Variants in RFESD observed in about 807,000 individuals in gnomAD.
The protein encoded by RFESD is Rieske Fe-S domain containing, also known as Rieske domain-containing protein.
In RFESD, 16 loss-of-function variants were observed where a neutral mutation model predicts 24.4. The observed-to-expected ratio is 0.66, with a 90% CI of 0.44 to 1.00. The LOEUF is 1.00. Among genes scored for constraint, RFESD ranks in the 50% least tolerant of loss-of-function variants. The probability of loss-of-function intolerance (pLI) is 0.00; values close to 1 mark genes in which losing one functional copy is unlikely to be tolerated. For missense variants in RFESD, 208 were observed against 247.0 expected (o/e 0.84, Z 1.06); for synonymous variants, 59 against 81.8 (o/e 0.72, Z 1.50).
chr5:95,657,676 A>G lies in RFESD; in HGVS notation c.*1367A>G, dbSNP rs1269329905. ...ACTTACCTTTACTACATATTATTAC[A>G]CTTCCTTTTCTGTTGGAGTTTGGAT... On this transcript the variant is annotated 3_prime_UTR_variant, in exon 6 of 6. Transcript: ENST00000380005. The G allele has an allele frequency of 6.6e-6, 1 of 152,128 alleles. No homozygotes were observed. The allele number at this position is 152,128 out of a possible 1,614,324, so 9.4% of individuals were successfully genotyped here.
At chr5:95,651,158 C>G (rs538319188) in intron 1 of RFESD, among the ~76,000 whole-genome samples, 32 of 150,782 alleles carry the variant, frequency 2.1e-4, no homozygotes, top group African/African-American at 7.3e-4. Context: ...AAATGGTAAC[C>G]TAAGACTTGA....
intron 3 of RFESD, among the ~76,000 whole-genome samples, 187 bp downstream of exon 3, chr5:95,653,401 A>G (rs1048031809): frequency 3.9e-5 from 6 of 152,262 alleles, no homozygotes; most frequent in Non-Finnish European, 8.8e-5. Flanking sequence ...CAATGCAGAT[A>G]ACTGAATGTT....
chr5:95,648,680 C>T (rs1750200128), intron 1 of RFESD, among the ~76,000 whole-genome samples: 1 of 152,066 alleles, frequency 6.6e-6, no homozygotes, highest in Non-Finnish European at 1.5e-5. Context: ...ATCATTTAGC[C>T]CCAGTCTTCT....
chr5:95,654,181 A>G lies in RFESD; in HGVS notation c.279A>G (p.Glu93=), dbSNP rs762335648. The change falls in exon 4 of 6, where the codon GAA becomes GAG. Residue 93 remains glutamate, a synonymous_variant. Transcript: ENST00000380005. ...TGACAGCTGTTGTCCATGATAGAGA[A>G]GTGGTCATTTTCTACCACAAGGGAG... is the stretch of plus-strand genomic sequence containing the variant. ...ERMTAVVHDR[E]VVIFYHKGEY... 1 of 1,613,014 alleles carries G rather than the reference A, an allele frequency of 6.2e-7. No individual in the cohort carries two copies. The highest frequency in any genetic ancestry group is 8.5e-7 in the Non-Finnish European group (1 of 1,179,618).
intron 1 of RFESD, among the ~76,000 whole-genome samples, chr5:95,650,227 TA>T (rs533504911): frequency 0.011 from 1,627 of 151,498 alleles, 18 homozygotes; most frequent in Non-Finnish European, 0.016. Context: ...TCCCCCCCTT[TA>T]AAAAAAAATT....
intron 1 of RFESD, among the ~76,000 whole-genome samples, chr5:95,649,280 C>T (rs1750220947): frequency 6.6e-6 from 1 of 152,114 alleles, no homozygotes; most frequent in Non-Finnish European, 1.5e-5. Context: ...CGGAAACATA[C>T]TCTGAATTCC....
intron 3 of RFESD, 30 bp downstream of exon 3, chr5:95,653,244 C>A: frequency 6.4e-7 from 1 of 1,551,022 alleles, no homozygotes. Context: ...TCATTCATAC[C>A]CACCTTCTCT....
At chr5:95,653,030 A>T (rs114220274) in intron 2 of RFESD, 87 bp from the exon 3 acceptor site, 20,841 of 1,518,972 alleles carry the variant, frequency 0.014, 183 homozygotes, top group Non-Finnish European at 0.016. Context: ...CCTGTTTACC[A>T]ATCTTGCATA....
Position 95,654,363 on chromosome 5 carries a change from T to G in RFESD, c.365T>G (p.Ile122Arg), listed in dbSNP as rs200861427. The G allele has an allele frequency of 1.3e-6, 2 of 1,588,762 alleles. No individual in the cohort carries two copies. The highest frequency in any genetic ancestry group is 1.7e-6 in the Non-Finnish European group (2 of 1,163,298). ...GGAGGACCTTTACATTTGGGAGATA[T>G]AGAGGTATGTAAAATTAAATTTATT... ...HSGGPLHLGDIEDFDGRPCIV... is the reference protein window; with the variant it reads ...HSGGPLHLGDREDFDGRPCIV... Residue 122 changes from isoleucine to arginine, a missense_variant, in exon 5 of 6, where the codon ATA becomes AGA. By Grantham distance (97) the Ile-to-Arg change is moderately conservative. Coordinates refer to ENST00000380005, the MANE Select transcript of RFESD (RefSeq NM_001131066.2).
chr5:95,650,591 C>T (rs1464098804), intron 1 of RFESD, among the ~76,000 whole-genome samples: 1 of 152,142 alleles, frequency 6.6e-6, no homozygotes, highest in African/African-American at 2.4e-5. Context: ...TTTAAATGAA[C>T]CATGCTCTTT....
intron 1 of RFESD, among the ~76,000 whole-genome samples, chr5:95,648,809 A>G (rs1387622809): frequency 1.3e-5 from 2 of 150,758 alleles, no homozygotes; most frequent in African/African-American, 4.9e-5. Context: ...TTTGGTTCTC[A>G]TTTATTTGGG....
intron 3 of RFESD, among the ~76,000 whole-genome samples, chr5:95,653,847 G>A (rs1246834829): frequency 6.6e-6 from 1 of 152,180 alleles, no homozygotes; most frequent in Non-Finnish European, 1.5e-5. Context: ...GCAGTGAGCT[G>A]AGATCGTGCT....
intron 1 of RFESD, among the ~76,000 whole-genome samples, chr5:95,651,495 A>C (rs978268562): frequency 6.6e-5 from 10 of 152,162 alleles, no homozygotes; most frequent in African/African-American, 2.4e-4. Flanking sequence ...CCTGGGCTCA[A>C]GTGATCCTCC....
At chr5:95,655,914 A>C in intron 5 of RFESD, 132 bp from the exon 6 acceptor site, 1 of 749,092 alleles carries the variant, frequency 1.3e-6, no homozygotes, top group Non-Finnish European at 2.2e-6. Context: ...TATGCTGAAT[A>C]ATTTGTACAT....
In RFESD at chr5:95,657,768, T is replaced by C. The variant is rs1407071324; in HGVS notation, c.*1459T>C. The C allele has an allele frequency of 6.6e-6, 1 of 152,168 alleles. No homozygotes were observed. Among genetic ancestry groups the C allele is most frequent in the Non-Finnish European group, 1.5e-5 (1 of 68,014 alleles). 9.4% of individuals were successfully genotyped at this position (152,168 alleles called of 1,614,324 possible). ...GAACCAGACTTGGGCTTTTTATAGA[T>C]ACTGTTTGTGGTAGCAGCTACTTAC... On this transcript the variant is annotated 3_prime_UTR_variant, in exon 6 of 6. Coordinates refer to ENST00000380005, the MANE Select transcript of RFESD (RefSeq NM_001131066.2).
At position 95,653,314 on chromosome 5, in the gene RFESD, A is replaced by G. The variant is rs559485928; in HGVS notation, c.158+100A>G. On this transcript the variant is annotated intron_variant, in intron 3 of 5. Coordinates refer to ENST00000380005, the MANE Select transcript of RFESD (RefSeq NM_001131066.2). Reference sequence around the variant, plus strand: ...CCAACTGTGTACTCCAGGCAAAACCAAGTGGACCACCTTAGCCAAGAGGCT... The same window carrying G: ...CCAACTGTGTACTCCAGGCAAAACCGAGTGGACCACCTTAGCCAAGAGGCT... The G allele has an allele frequency of 3.9e-4, 580 of 1,489,332 alleles. 1 individual carries two copies. The African/African-American group carries it at 7.0e-3, about 18-fold the overall frequency. 92.3% of individuals were successfully genotyped at this position (1,489,332 alleles called of 1,614,324 possible).
At chr5:95,653,998 C>A (rs76098529) in intron 3 of RFESD, 63 bp from the exon 4 acceptor site, 33,737 of 1,403,842 alleles carry the variant, frequency 0.024, 514 homozygotes, top group Non-Finnish European at 0.027. Context: ...AGGGTTATCT[C>A]CATTAAGCTG....
chr5:95,647,403 A>C (rs1357976502), intron 1 of RFESD: 1 of 152,156 alleles, frequency 6.6e-6, no homozygotes, highest in Non-Finnish European at 1.5e-5. Flanking sequence ...CTTTACCCAC[A>C]CCCCTATGTG....
Position 95,655,984 on chromosome 5 carries a change from T to C in RFESD, c.370-62T>C, listed in dbSNP as rs1750730972. 5.9e-6 allele frequency: 9 copies of C among 1,513,022 alleles called. No individual in the cohort carries two copies. In the South Asian group the frequency reaches 9.7e-5, roughly 16 times the overall value. The allele number at this position is 1,513,022 out of a possible 1,614,324, so 93.7% of individuals were successfully genotyped here. ...AACCTGGTTCTTCTGCAGCAGACTCTTCAGAGTCTATCAAGAACATTTGAC... is the reference window on the plus strand; with the variant it reads ...AACCTGGTTCTTCTGCAGCAGACTCCTCAGAGTCTATCAAGAACATTTGAC... On this transcript the variant is annotated intron_variant, in intron 5 of 5. Transcript: ENST00000380005.
Sources: gnomAD v4.1 joint callset for allele counts (sites outside exome capture counted in the v4.1 genomes callset) on GRCh38, gnomAD v4.1.1 for gene constraint, MANE v1.5 for transcripts, NCBI Gene and HGNC (gene_info 2026-07-23, HGNC 2026-07-21) for gene names.